EYS: variants seen among roughly 807,000 people sequenced by gnomAD.
EYS encodes EGF-like photoreceptor maintenance factor.
Under a neutral mutation model 282.1 loss-of-function variants are expected in EYS, and 250 were observed. That is an observed-to-expected ratio of 0.89 (90% CI 0.80 to 0.98). The LOEUF (loss-of-function observed/expected upper bound fraction) is 0.98. Among genes scored for constraint, EYS ranks in the 50% least tolerant of loss-of-function variants. The pLI, the probability that EYS is intolerant of heterozygous loss-of-function variation, is 0.00. For synonymous variants in EYS, 1,355 were observed against 1,282.9 expected (o/e 1.06, Z -1.20); for missense variants, 4,016 against 3,709.0 (o/e 1.08, Z -2.15).
chr6:64,707,065 TA>T (rs1323284394), intron 22 of EYS, among the ~76,000 whole-genome samples: 1 of 151,634 alleles, frequency 6.6e-6, no homozygotes, highest in Non-Finnish European at 1.5e-5. Context: ...AAATGCCCAT[TA>T]ATCAATCAGT....
rs981312766 is a variant in EYS at position 64,431,481 on chromosome 6, G to A, written c.5927+4693C>T. 3.9e-5 allele frequency among the ~76,000 whole-genome samples: 6 copies of A among 152,192 alleles called. No individual in the cohort carries two copies. The East Asian group carries it at 1.2e-3, about 29-fold the overall frequency. ...GAGCCCACTAATTTAATCCACACAG[G>A]TAAATCTCAGAGGACCAGCGCAGAA... is the stretch of plus-strand genomic sequence containing the variant. On this transcript the variant is annotated intron_variant, in intron 28 of 42. Transcript: ENST00000503581.
intron 33 of EYS, among the ~76,000 whole-genome samples, chr6:64,005,832 GT>G (rs561944604): frequency 6.6e-6 from 1 of 151,908 alleles, no homozygotes; most frequent in Admixed American, 6.6e-5. Context: ...CTTTGTGTCT[GT>G]TTTTTTGTAC....
intron 31 of EYS, among the ~76,000 whole-genome samples, chr6:64,183,042 G>T (rs184342841): frequency 6.6e-6 from 1 of 152,212 alleles, no homozygotes; most frequent in African/African-American, 2.4e-5. Context: ...AATCATGGGG[G>T]TGGTTTCCCC....
intron 6 of EYS, among the ~76,000 whole-genome samples, chr6:65,403,243 CCT>C (rs1208525330): frequency 6.6e-6 from 1 of 151,874 alleles, no homozygotes; most frequent in Non-Finnish European, 1.5e-5. Context: ...ACCATTGGCA[CCT>C]GAAACAAGTC....
At chr6:64,081,688 G>T (rs1039812225) in intron 32 of EYS, among the ~76,000 whole-genome samples, 168 bp downstream of exon 32, 2 of 152,116 alleles carry the variant, frequency 1.3e-5, no homozygotes, top group African/African-American at 4.8e-5. Flanking sequence ...GACTCATAAA[G>T]AAACTTCTAG....
intron 12 of EYS, among the ~76,000 whole-genome samples, chr6:65,213,227 C>G (rs902863283): frequency 1.6e-4 from 25 of 152,242 alleles, no homozygotes; most frequent in African/African-American, 4.3e-4. Context: ...CTGACAGAAT[C>G]GATGAACTGT....
intron 2 of EYS, among the ~76,000 whole-genome samples, chr6:65,601,455 C>T (rs563275961): frequency 6.6e-6 from 1 of 151,858 alleles, no homozygotes; most frequent in African/African-American, 2.4e-5. Flanking sequence ...GATACCAGCA[C>T]CAATAAGAGA....
chr6:64,130,778 C>G (rs1039480865), intron 31 of EYS, among the ~76,000 whole-genome samples: 9 of 152,092 alleles, frequency 5.9e-5, no homozygotes, highest in Admixed American at 1.3e-4. Flanking sequence ...GAAAGAAACC[C>G]AGGTAGCAAG....
intron 24 of EYS, among the ~76,000 whole-genome samples, chr6:64,614,046 A>T (rs936129054): frequency 2.6e-5 from 4 of 152,122 alleles, no homozygotes; most frequent in Admixed American, 6.6e-5. Context: ...GCACAGAATC[A>T]CCAAGACTGA....
At chr6:64,549,856 A>C (rs527891606) in intron 26 of EYS, among the ~76,000 whole-genome samples, 3 of 151,546 alleles carry the variant, frequency 2.0e-5, no homozygotes, top group Non-Finnish European at 2.9e-5. Flanking sequence ...ATTTAACATT[A>C]GGTATATCTC....
chr6:65,353,848 C>A (rs1764379279), intron 8 of EYS, among the ~76,000 whole-genome samples: 1 of 151,988 alleles, frequency 6.6e-6, no homozygotes, highest in Admixed American at 6.6e-5. Context: ...AGCTTTGACT[C>A]ACTCTCAATA....
At chr6:64,257,185 A>T (rs1220494656) in intron 30 of EYS, among the ~76,000 whole-genome samples, 1 of 152,026 alleles carries the variant, frequency 6.6e-6, no homozygotes. Context: ...GTTTGGACTA[A>T]TGAAACATTT....
chr6:64,840,518 CAT>C (rs1220611623), intron 19 of EYS, among the ~76,000 whole-genome samples: 3 of 152,090 alleles, frequency 2.0e-5, no homozygotes, highest in Admixed American at 6.6e-5. Context: ...TTCATATCCA[CAT>C]GTTTTCAAAT....
At chr6:65,617,303 A>T (rs1215734826) in intron 2 of EYS, among the ~76,000 whole-genome samples, 4 of 152,206 alleles carry the variant, frequency 2.6e-5, no homozygotes, top group African/African-American at 9.6e-5. Context: ...CTTATGAGGG[A>T]CTTAAAATAT....
At chr6:64,545,921 A>T (rs1764845869) in intron 26 of EYS, among the ~76,000 whole-genome samples, 1 of 152,220 alleles carries the variant, frequency 6.6e-6, no homozygotes, top group African/African-American at 2.4e-5. Context: ...AGGAAAAATC[A>T]ATATCGTGAA....
intron 2 of EYS, among the ~76,000 whole-genome samples, chr6:65,525,577 T>C (rs774217166): frequency 1.3e-5 from 2 of 152,226 alleles, no homozygotes; most frequent in African/African-American, 2.4e-5. Context: ...TTATTGTTTG[T>C]TTCTCAAATA....
At chr6:64,584,225 A>T (rs1766159394) in intron 26 of EYS, among the ~76,000 whole-genome samples, 1 of 151,990 alleles carries the variant, frequency 6.6e-6, no homozygotes, top group Non-Finnish European at 1.5e-5. Flanking sequence ...TAAAAACAAC[A>T]TTAAGGTTCT....
At position 65,265,275 on chromosome 6, in the gene EYS, A is replaced by T. The variant is rs554416482; in HGVS notation, c.2023+30588T>A. On this transcript the variant is annotated intron_variant, in intron 12 of 42. Coordinates refer to ENST00000503581, the MANE Select transcript of EYS (RefSeq NM_001142800.2). Reference sequence around the variant, plus strand: ...GTTGGAAAAAGAAATCTCTAAAGAAAGTAATTTGTTTTTCCTTTGTTATCG... The same window carrying T: ...GTTGGAAAAAGAAATCTCTAAAGAATGTAATTTGTTTTTCCTTTGTTATCG... Among the ~76,000 whole-genome samples the T allele has an allele frequency of 4.3e-4, 65 of 152,188 alleles. 1 individual carries two copies. The highest frequency in any genetic ancestry group is 1.5e-3 in the African/African-American group (64 of 41,560).
intron 11 of EYS, chr6:65,301,060 A>C (rs1178122250): frequency 6.6e-6 from 1 of 152,226 alleles, no homozygotes; most frequent in East Asian, 1.9e-4. Context: ...GATGAGTACA[A>C]TGCCTGTCTT....
Sources: allele counts gnomAD v4.1 joint callset (sites outside exome capture counted in the v4.1 genomes callset), GRCh38; gene constraint gnomAD v4.1.1; transcripts MANE v1.5; gene names NCBI Gene and HGNC (gene_info 2026-07-23, HGNC 2026-07-21).